Variants in CAMK4 observed in about 807,000 individuals in gnomAD.
CAMK4 encodes the protein calcium/calmodulin dependent protein kinase IV, also known as calcium/calmodulin-dependent protein kinase type IV.
Under a neutral mutation model 44.9 loss-of-function variants are expected in CAMK4, and 22 were observed. That is an observed-to-expected ratio of 0.49 (90% confidence interval 0.35 to 0.70). CAMK4 has a LOEUF of 0.70. Among genes scored for constraint, CAMK4 ranks in the 30% least tolerant of loss-of-function variants. The pLI, the probability that CAMK4 is intolerant of heterozygous loss-of-function variation, is 0.01. For missense variants in CAMK4, 498 were observed against 586.8 expected (o/e 0.85, Z 1.56); for synonymous variants, 218 against 215.4 (o/e 1.01, Z -0.11).
At chr5:111,331,916 G>C (rs1749182825) in intron 1 of CAMK4, among the ~76,000 whole-genome samples, 2 of 151,144 alleles carry the variant, frequency 1.3e-5, no homozygotes, top group Non-Finnish European at 3.0e-5. Flanking sequence ...AAGTTCATTA[G>C]GGGCCAGAAC....
chr5:111,326,522 A>G (rs1263238575), intron 1 of CAMK4, among the ~76,000 whole-genome samples: 1 of 151,940 alleles, frequency 6.6e-6, no homozygotes, highest in African/African-American at 2.4e-5. Flanking sequence ...AGCCTTAAAA[A>G]GTAAATAATG....
intron 1 of CAMK4, among the ~76,000 whole-genome samples, chr5:111,277,277 G>A (rs1750807631): frequency 6.6e-6 from 1 of 152,178 alleles, no homozygotes; most frequent in Non-Finnish European, 1.5e-5. Flanking sequence ...AGTCTAGTAG[G>A]AGCTGGAATA....
intron 1 of CAMK4, among the ~76,000 whole-genome samples, chr5:111,299,492 A>C (rs1747630787): frequency 6.6e-6 from 1 of 152,220 alleles, no homozygotes; most frequent in Admixed American, 6.5e-5. Context: ...TCTAGATCTT[A>C]AAGAGTTAGT....
chr5:111,363,179 C>T (rs1750661751), intron 2 of CAMK4, among the ~76,000 whole-genome samples: 1 of 152,178 alleles, frequency 6.6e-6, no homozygotes, highest in Middle Eastern at 3.4e-3. Context: ...GTGTTCTTCA[C>T]TTACCTTGAA....
chr5:111,486,997 A>T lies in CAMK4; in HGVS notation c.*2531A>T, dbSNP rs1755655697. 2 of 152,218 alleles carry T rather than the reference A, an allele frequency of 1.3e-5. No homozygotes were observed. Among genetic ancestry groups the T allele is most frequent in the Non-Finnish European group, 2.9e-5 (2 of 68,034 alleles). The allele number at this position is 152,218 out of a possible 1,614,324, so 9.4% of individuals were successfully genotyped here. A position where few individuals can be genotyped will look rare whatever the true frequency, so the allele number is the denominator to read the frequency against. ...AAATGTTGGTCATTTCAGTCAAATT[A>T]TTCAAAGATTTCATATACATACATC... is the stretch of plus-strand genomic sequence containing the variant. On this transcript the variant is annotated 3_prime_UTR_variant, in exon 11 of 11. Coordinates refer to ENST00000282356, the MANE Select transcript of CAMK4 (RefSeq NM_001744.6).
intron 1 of CAMK4, among the ~76,000 whole-genome samples, chr5:111,231,513 G>C (rs1580454574): frequency 1.3e-5 from 2 of 152,284 alleles, no homozygotes; most frequent in African/African-American, 4.8e-5. Context: ...ATCATGTCTT[G>C]AAGCTAGTGT....
chr5:111,332,658 T>C (rs1364127757), intron 1 of CAMK4, among the ~76,000 whole-genome samples: 2 of 151,584 alleles, frequency 1.3e-5, no homozygotes, highest in Admixed American at 6.6e-5. Flanking sequence ...CTTGATGCTA[T>C]TTGAGAATGC....
intron 5 of CAMK4, among the ~76,000 whole-genome samples, chr5:111,399,750 C>A (rs1226474280): frequency 6.6e-6 from 1 of 152,188 alleles, no homozygotes; most frequent in African/African-American, 2.4e-5. Flanking sequence ...TATTTCCTTA[C>A]TACTGTTTCA....
At chr5:111,363,288 G>A (rs570069565) in intron 2 of CAMK4, among the ~76,000 whole-genome samples, 55 of 152,194 alleles carry the variant, frequency 3.6e-4, no homozygotes, top group African/African-American at 1.3e-3. Flanking sequence ...GATGAGAACT[G>A]ACCAACCAAT....
At chr5:111,418,989 C>A (rs1489666345) in intron 5 of CAMK4, among the ~76,000 whole-genome samples, 1 of 152,096 alleles carries the variant, frequency 6.6e-6, no homozygotes, top group Non-Finnish European at 1.5e-5. Context: ...AATGGTATTT[C>A]TAGTTCTAGA....
At chr5:111,422,613 G>A (rs1753072878) in intron 5 of CAMK4, among the ~76,000 whole-genome samples, 1 of 152,162 alleles carries the variant, frequency 6.6e-6, no homozygotes, top group African/African-American at 2.4e-5. Context: ...TTAAATCAAA[G>A]CAGATGGAAC....
chr5:111,363,414 T>A (rs1386229357), intron 2 of CAMK4, among the ~76,000 whole-genome samples: 1 of 152,126 alleles, frequency 6.6e-6, no homozygotes, highest in Non-Finnish European at 1.5e-5. Flanking sequence ...TAACAAGTTA[T>A]TAAATGCCAG....
At chr5:111,353,376 A>G (rs1475438694) in intron 2 of CAMK4, among the ~76,000 whole-genome samples, 1 of 151,616 alleles carries the variant, frequency 6.6e-6, no homozygotes, top group Non-Finnish European at 1.5e-5. Context: ...TTTCTGTCTC[A>G]CCAAGTGAAA....
intron 7 of CAMK4, among the ~76,000 whole-genome samples, chr5:111,466,589 C>T (rs1467927912): frequency 6.6e-6 from 1 of 152,166 alleles, no homozygotes; most frequent in African/African-American, 2.4e-5. Context: ...GAACCCAACC[C>T]CTTTTACAAT....
intron 5 of CAMK4, among the ~76,000 whole-genome samples, chr5:111,426,359 C>G (rs888606540): frequency 6.6e-6 from 1 of 152,156 alleles, no homozygotes; most frequent in Non-Finnish European, 1.5e-5. Flanking sequence ...GATAACAATA[C>G]AGTTATTCTT....
intron 5 of CAMK4, among the ~76,000 whole-genome samples, chr5:111,430,467 A>G (rs1399454895): frequency 6.6e-6 from 1 of 152,230 alleles, no homozygotes; most frequent in African/African-American, 2.4e-5. Context: ...AGCTAAAGCA[A>G]TGAGACAAGA....
At chr5:111,455,019 G>C (rs1754368349) in intron 7 of CAMK4, among the ~76,000 whole-genome samples, 1 of 152,140 alleles carries the variant, frequency 6.6e-6, no homozygotes, top group African/African-American at 2.4e-5. Flanking sequence ...GGTCTCATTA[G>C]TTCTGAGACA....
chr5:111,345,818 C>T (rs1445972950), intron 2 of CAMK4, among the ~76,000 whole-genome samples: 3 of 151,918 alleles, frequency 2.0e-5, no homozygotes, highest in Admixed American at 2.0e-4. Context: ...CGCTCTGGTT[C>T]GTCCTTACTG....
chr5:111,443,392 A>C (rs1380429628), intron 5 of CAMK4, among the ~76,000 whole-genome samples: 1 of 146,486 alleles, frequency 6.8e-6, no homozygotes, highest in African/African-American at 2.5e-5. Context: ...GACTTTTGAT[A>C]ATCTTTCTAC....
Sources: allele counts gnomAD v4.1 joint callset (sites outside exome capture counted in the v4.1 genomes callset), GRCh38; gene constraint gnomAD v4.1.1; transcripts MANE v1.5; gene names NCBI Gene and HGNC (gene_info 2026-07-23, HGNC 2026-07-21).